Variants in KEL observed in about 807,000 individuals in gnomAD.
The protein encoded by KEL is kell blood group glycoprotein.
In KEL, 96 loss-of-function variants were observed where a neutral mutation model predicts 99.5. That is an observed-to-expected ratio of 0.97 (90% CI 0.82 to 1.14). The LOEUF (loss-of-function observed/expected upper bound fraction) is 1.14. Among genes scored for constraint, KEL ranks in the 50% most tolerant of loss-of-function variants. The pLI is 0.00. For missense variants in KEL, 926 were observed against 924.2 expected (o/e 1.00, Z -0.03); for synonymous variants, 355 against 354.8 (o/e 1.00, Z -0.01).
intron 9 of KEL, 71 bp from the exon 10 acceptor site, chr7:142,952,709 G>C (rs1189400095): frequency 3.8e-6 from 6 of 1,569,548 alleles, no homozygotes; most frequent in African/African-American, 1.3e-5. Flanking sequence ...GCCTCTCCTT[G>C]TGTAAGTCAC....
intron 1 of KEL, 29 bp from the exon 2 acceptor site, chr7:142,961,901 A>G (rs1369920184): frequency 6.2e-7 from 1 of 1,611,506 alleles, no homozygotes; most frequent in Admixed American, 1.7e-5. Flanking sequence ...GAAGGAGGAG[A>G]GAGAAGCTGG....
At chr7:142,955,305 T>C (rs1349908161) in intron 6 of KEL, among the ~76,000 whole-genome samples, 3 of 152,282 alleles carry the variant, frequency 2.0e-5, no homozygotes, top group South Asian at 2.1e-4. Flanking sequence ...AAACATACTT[T>C]TAGTCAATTT....
intron 11 of KEL, 31 bp downstream of exon 11, chr7:142,946,176 G>A (rs758405630): frequency 1.4e-6 from 2 of 1,459,186 alleles, no homozygotes; most frequent in South Asian, 2.3e-5. Context: ...AAGGGGTGGA[G>A]GGATGTGGGC....
intron 11 of KEL, chr7:142,945,928 C>G (rs1056098938): frequency 1.9e-6 from 1 of 513,708 alleles, no homozygotes; most frequent in Non-Finnish European, 3.5e-6. Flanking sequence ...GAGCCTGGCT[C>G]GATTTTCTCA....
At chr7:142,960,418 G>A (rs1314146060) in intron 4 of KEL, among the ~76,000 whole-genome samples, 3 of 152,192 alleles carry the variant, frequency 2.0e-5, no homozygotes, top group Non-Finnish European at 4.4e-5. Context: ...AGAGGGTAAT[G>A]TTGACAAGGA....
rs1237979846 is a variant in KEL at position 142,943,301 on chromosome 7, C to T, written c.1746G>A (p.Glu582=). Residue 582 remains glutamate (E), a synonymous_variant, in exon 16 of 19, where the codon GAG becomes GAA. Coordinates refer to ENST00000355265, the MANE Select transcript of KEL (RefSeq NM_000420.3). ...AGAGCTGGTAGAAGATGTGCAACAGCTCGTGGGCCATGATGCTGCCAGCAG... is the reference window on the plus strand; with the variant it reads ...AGAGCTGGTAGAAGATGTGCAACAGTTCGTGGGCCATGATGCTGCCAGCAG... ...FGAAGSIMAH[E]LLHIFYQLLL... 1.2e-6 allele frequency: 2 copies of T among 1,614,076 alleles called. No homozygotes were observed. The highest frequency in any genetic ancestry group is 1.7e-6 in the Non-Finnish European group (2 of 1,179,970).
chr7:142,952,730 G>A (rs1284171149), intron 9 of KEL, 92 bp from the exon 10 acceptor site: 14 of 1,426,958 alleles, frequency 9.8e-6, no homozygotes, highest in South Asian at 2.4e-5. Context: ...CTTGATACTC[G>A]TGAAGGCAGC....
chr7:142,959,433 A>G (rs969613391), intron 4 of KEL, among the ~76,000 whole-genome samples: 3 of 152,190 alleles, frequency 2.0e-5, no homozygotes, highest in African/African-American at 7.2e-5. Flanking sequence ...AATGTGGGGA[A>G]GAAACCAAGA....
At chr7:142,953,582 GTA>G (rs1796744472) in intron 9 of KEL, among the ~76,000 whole-genome samples, 1 of 152,068 alleles carries the variant, frequency 6.6e-6, no homozygotes, top group South Asian at 2.1e-4. Context: ...CATGTCGTGT[GTA>G]TCCTCCCTTA....
chr7:142,947,376 G>C (rs1796561486), intron 10 of KEL, among the ~76,000 whole-genome samples: 1 of 152,064 alleles, frequency 6.6e-6, no homozygotes, highest in African/African-American at 2.4e-5. Flanking sequence ...GGGAATGGAG[G>C]GGGTTTATGT....
At chr7:142,944,252 A>G in intron 13 of KEL, 71 bp downstream of exon 13, 2 of 1,249,878 alleles carry the variant, frequency 1.6e-6, no homozygotes, top group South Asian at 2.4e-5. Context: ...TGTCCAACAA[A>G]GACTTAGGAG....
Position 142,941,330 on chromosome 7 carries a change from GC to G in KEL, c.2120del (p.Ser707ThrfsTer17). 1.2e-6 allele frequency: 2 copies of G among 1,614,018 alleles called. No homozygotes were observed. The highest frequency in any genetic ancestry group is 1.7e-6 in the Non-Finnish European group (2 of 1,179,934). Reference sequence around the variant, plus strand: ...GGAAATACCTGGCAAAGGCTGGGGTGCTGCTGAGGGGCCCGTGGACTCGGAG... The same window carrying G: ...GGAAATACCTGGCAAAGGCTGGGGTGTGCTGAGGGGCCCGTGGACTCGGAG... ...PHLRVHGPLS[S>X]TPAFARYFRC... On this transcript the variant is annotated frameshift_variant, in exon 19 of 19. Coordinates refer to ENST00000355265, the MANE Select transcript of KEL (RefSeq NM_000420.3). LOFTEE classifies it high-confidence loss of function.
intron 10 of KEL, among the ~76,000 whole-genome samples, chr7:142,951,811 A>G (rs529782362): frequency 1.3e-5 from 2 of 152,250 alleles, no homozygotes; most frequent in South Asian, 4.1e-4. Flanking sequence ...CTAAGAAAAA[A>G]AATCCAGTGA....
chr7:142,947,694 GTGGC>G (rs1436103608), intron 10 of KEL, among the ~76,000 whole-genome samples: 1 of 152,166 alleles, frequency 6.6e-6, no homozygotes, highest in Non-Finnish European at 1.5e-5. Flanking sequence ...GGGATTACAG[GTGGC>G]TACCACCAGA....
At chr7:142,948,899 GACACACAC>G (rs72104159) in intron 10 of KEL, among the ~76,000 whole-genome samples, 1 of 142,208 alleles carries the variant, frequency 7.0e-6, no homozygotes, top group Non-Finnish European at 1.6e-5. Context: ...AAGCTTCACA[GACACACAC>G]ACACACACAC....
chr7:142,948,772 G>A (rs115228348), intron 10 of KEL, among the ~76,000 whole-genome samples: 212 of 152,262 alleles, frequency 1.4e-3, no homozygotes, highest in African/African-American at 4.5e-3. Flanking sequence ...GAGAACAGCA[G>A]TGCAACATCA....
intron 9 of KEL, among the ~76,000 whole-genome samples, chr7:142,952,996 T>A (rs548605040): frequency 6.6e-6 from 1 of 152,310 alleles, no homozygotes; most frequent in South Asian, 2.1e-4. Flanking sequence ...AGCTGGTCTC[T>A]GTGACTGCTC....
chr7:142,956,067 T>A (rs1043632097), intron 6 of KEL, among the ~76,000 whole-genome samples: 7 of 152,180 alleles, frequency 4.6e-5, no homozygotes, highest in African/African-American at 1.7e-4. Context: ...CTTTCTGTAG[T>A]CCATTCTTCC....
chr7:142,943,445 C>T (rs1796422413), intron 15 of KEL, 41 bp downstream of exon 15: 2 of 1,606,414 alleles, frequency 1.2e-6, no homozygotes, highest in African/African-American at 1.3e-5. Flanking sequence ...GTCGGCCCCT[C>T]TTGGGAAACT....
Sources: gnomAD v4.1 joint callset for allele counts (sites outside exome capture counted in the v4.1 genomes callset) on GRCh38, gnomAD v4.1.1 for gene constraint, MANE v1.5 for transcripts, NCBI Gene and HGNC (gene_info 2026-07-23, HGNC 2026-07-21) for gene names.